SETBP1: variants seen among roughly 807,000 people sequenced by gnomAD.
SETBP1 encodes SET-binding protein.
Under a neutral mutation model 101.0 loss-of-function variants are expected in SETBP1, and 9 were observed. That is an observed-to-expected ratio of 0.09 (90% confidence interval 0.05 to 0.16). SETBP1 has a LOEUF of 0.16. Ranked by LOEUF, SETBP1 falls within the 10% of genes least tolerant of loss-of-function variation. The pLI is 1.00. For synonymous variants in SETBP1, 818 were observed against 788.5 expected, an observed-to-expected ratio of 1.04 and a Z score of -0.63; for missense variants, 1,858 against 2,033.8, an observed-to-expected ratio of 0.91 and a Z score of 1.66.
At position 45,063,386 on chromosome 18, in the gene SETBP1, G is replaced by T. The variant is rs952484603; in HGVS notation, c.4479G>T (p.Pro1493=). 2 of 1,553,938 alleles carry T rather than the reference G, an allele frequency of 1.3e-6. No homozygotes were observed. Among genetic ancestry groups the T allele is most frequent in the Admixed American group, 1.9e-5 (1 of 51,406 alleles). The stretch of plus-strand genomic sequence containing the variant: ...GAGGCCAGAAGCCCAGCCTGAGCCC[G>T]CTGGTGCTGGAGCCCGCCGCCAGCC... The part of the protein sequence containing the change: ...SKRGQKPSLS[P]LVLEPAASQD... The change falls in exon 6 of 6, where the codon CCG becomes CCT. Residue 1493 remains proline, a synonymous_variant. Coordinates refer to ENST00000649279, the MANE Select transcript of SETBP1 (RefSeq NM_015559.3).
At chr18:44,729,538 G>A (rs542698182) in intron 2 of SETBP1, among the ~76,000 whole-genome samples, 8 of 152,336 alleles carry the variant, frequency 5.3e-5, no homozygotes, top group African/African-American at 1.9e-4. Flanking sequence ...TATTCATAAA[G>A]AAGGGAGGCC....
intron 2 of SETBP1, among the ~76,000 whole-genome samples, chr18:44,856,493 CT>C (rs1343721775): frequency 6.6e-6 from 1 of 152,182 alleles, no homozygotes; most frequent in Non-Finnish European, 1.5e-5. Flanking sequence ...GTGAGATCAT[CT>C]TTTGAAATGT....
chr18:44,715,081 G>C (rs924429042), intron 2 of SETBP1, among the ~76,000 whole-genome samples: 6 of 152,190 alleles, frequency 3.9e-5, no homozygotes, highest in Admixed American at 1.3e-4. Flanking sequence ...CAGGTCTCCT[G>C]GTTTCCAGCA....
intron 2 of SETBP1, among the ~76,000 whole-genome samples, chr18:44,736,394 T>G (rs1213831922): frequency 6.6e-6 from 1 of 152,192 alleles, no homozygotes; most frequent in Non-Finnish European, 1.5e-5. Flanking sequence ...ACTTAAGCTC[T>G]GTAGGGTATG....
chr18:44,783,966 C>A (rs987166656), intron 2 of SETBP1, among the ~76,000 whole-genome samples: 2 of 152,188 alleles, frequency 1.3e-5, no homozygotes, highest in Non-Finnish European at 2.9e-5. Context: ...AAGTGGGAAG[C>A]CTTGCTTCCA....
At chr18:44,682,286 T>C (rs1163718556) in intron 1 of SETBP1, among the ~76,000 whole-genome samples, 1 of 152,176 alleles carries the variant, frequency 6.6e-6, no homozygotes, top group African/African-American at 2.4e-5. Flanking sequence ...AAGAGGTATT[T>C]GGAGAGGAAG....
intron 5 of SETBP1, among the ~76,000 whole-genome samples, chr18:45,055,221 C>G (rs184763423): frequency 7.2e-5 from 11 of 152,042 alleles, no homozygotes; most frequent in African/African-American, 2.7e-4. Context: ...AATAAACTCT[C>G]GAGGAGTTTT....
At chr18:44,906,383 T>C (rs1432073742) in intron 3 of SETBP1, among the ~76,000 whole-genome samples, 1 of 152,208 alleles carries the variant, frequency 6.6e-6, no homozygotes, top group African/African-American at 2.4e-5. Context: ...TGTGTGTTCT[T>C]AGTACCTTTT....
chr18:44,911,647 T>C (rs186945132), intron 3 of SETBP1, among the ~76,000 whole-genome samples: 1 of 152,344 alleles, frequency 6.6e-6, no homozygotes, highest in Admixed American at 6.5e-5. Flanking sequence ...CTGCTTTGTC[T>C]GCTTAAATTG....
chr18:44,792,619 G>A (rs2071392747), intron 2 of SETBP1, among the ~76,000 whole-genome samples: 1 of 152,202 alleles, frequency 6.6e-6, no homozygotes. Context: ...TGAGCAGGAT[G>A]TGTTAATTGT....
At chr18:44,969,688 G>A (rs1304521050) in intron 4 of SETBP1, among the ~76,000 whole-genome samples, 2 of 152,146 alleles carry the variant, frequency 1.3e-5, no homozygotes, top group Admixed American at 1.3e-4. Context: ...ACCAACTCCA[G>A]GAAGCTGTGA....
chr18:44,829,505 C>A (rs1026410851), intron 2 of SETBP1, among the ~76,000 whole-genome samples: 34 of 152,208 alleles, frequency 2.2e-4, no homozygotes, highest in African/African-American at 8.2e-4. Flanking sequence ...AATCCTGAGT[C>A]TAGTTATATC....
At chr18:44,984,030 G>T (rs533429123) in intron 4 of SETBP1, among the ~76,000 whole-genome samples, 4 of 150,408 alleles carry the variant, frequency 2.7e-5, no homozygotes, top group Admixed American at 2.6e-4. Flanking sequence ...GTGAAACCCC[G>T]TCTCTACTAA....
intron 4 of SETBP1, among the ~76,000 whole-genome samples, chr18:44,960,567 C>A (rs1193591551): frequency 6.6e-6 from 1 of 152,090 alleles, no homozygotes; most frequent in African/African-American, 2.4e-5. Context: ...TGGTCTTGAA[C>A]TCTTGGGCTC....
chr18:44,907,429 A>C (rs994022166), intron 3 of SETBP1, among the ~76,000 whole-genome samples: 3 of 152,210 alleles, frequency 2.0e-5, no homozygotes, highest in African/African-American at 4.8e-5. Context: ...AAAAATTTCC[A>C]AACTGTTTTC....
At chr18:44,916,198 C>T (rs2070422356) in intron 3 of SETBP1, among the ~76,000 whole-genome samples, 1 of 152,162 alleles carries the variant, frequency 6.6e-6, no homozygotes, top group African/African-American at 2.4e-5. Flanking sequence ...TGCACTCCAG[C>T]CTGGGTGACA....
At chr18:44,932,338 G>A (rs1010109356) in intron 3 of SETBP1, among the ~76,000 whole-genome samples, 15 of 152,304 alleles carry the variant, frequency 9.8e-5, no homozygotes, top group African/African-American at 2.4e-4. Context: ...CCCTTTGTGG[G>A]TAACCCGACC....
chr18:44,992,067 A>G (rs2072390233), intron 4 of SETBP1, among the ~76,000 whole-genome samples: 1 of 152,174 alleles, frequency 6.6e-6, no homozygotes, highest in South Asian at 2.1e-4. Context: ...AATAGTGAAA[A>G]CACAACATGT....
Position 44,959,563 on chromosome 18 carries a change from A to G in SETBP1, c.4000+6223A>G, listed in dbSNP as rs553508485. Among the ~76,000 whole-genome samples the G allele has an allele frequency of 9.2e-5, 14 of 152,350 alleles. No homozygotes were observed. In the South Asian group the frequency reaches 2.1e-3, roughly 23 times the overall value. The stretch of plus-strand genomic sequence containing the variant: ...GCCTTCAAAGAGACTACAATCCAGG[A>G]GGACCTCTATAATTTAGGGGAAGAA... On this transcript the variant is annotated intron_variant, in intron 4 of 5. Transcript: ENST00000649279.
Sources: gnomAD v4.1 joint callset for allele counts (sites outside exome capture counted in the v4.1 genomes callset) on GRCh38, gnomAD v4.1.1 for gene constraint, MANE v1.5 for transcripts, NCBI Gene and HGNC (gene_info 2026-07-23, HGNC 2026-07-21) for gene names.